Variants in TCFL5 observed in about 807,000 individuals in gnomAD.
The protein encoded by TCFL5 is transcription factor like 5.
Under a neutral mutation model 44.3 loss-of-function variants are expected in TCFL5, and 9 were observed. The ratio of observed to expected loss-of-function variants is 0.20; its 90% CI spans 0.12 to 0.35. The LOEUF is 0.35. Among genes scored for constraint, TCFL5 ranks in the 10% least tolerant of loss-of-function variants. The pLI is 1.00. For missense variants in TCFL5, 603 were observed against 613.4 expected, an observed-to-expected ratio of 0.98 and a Z score of 0.18; for synonymous variants, 319 against 271.6, an observed-to-expected ratio of 1.17 and a Z score of -1.72.
chr20:62,857,862 C>G (rs1251221040), intron 3 of TCFL5, among the ~76,000 whole-genome samples: 2 of 152,110 alleles, frequency 1.3e-5, no homozygotes, highest in African/African-American at 4.8e-5. Flanking sequence ...TCAATCATCA[C>G]ACTAAATACG....
chr20:62,857,039 G>A (rs571111835), intron 4 of TCFL5, among the ~76,000 whole-genome samples: 2 of 152,316 alleles, frequency 1.3e-5, no homozygotes, highest in East Asian at 3.9e-4. Context: ...CAGACCACAT[G>A]GCTGGGGGCA....
intron 5 of TCFL5, among the ~76,000 whole-genome samples, chr20:62,843,556 A>T (rs896311018): frequency 6.6e-6 from 1 of 152,214 alleles, no homozygotes; most frequent in African/African-American, 2.4e-5. Flanking sequence ...TTTAAAACAT[A>T]GCATTCTACA....
intron 5 of TCFL5, among the ~76,000 whole-genome samples, chr20:62,848,631 G>A (rs1238029263): frequency 6.6e-6 from 1 of 151,514 alleles, no homozygotes; most frequent in South Asian, 2.1e-4. Flanking sequence ...CCAGCTACTC[G>A]GGAGGCTGAG....
chr20:62,861,312 C>T lies in TCFL5; in HGVS notation c.359G>A (p.Cys120Tyr), dbSNP rs950280299. The T allele has an allele frequency of 5.2e-6, 6 of 1,161,412 alleles. No homozygotes were observed. The East Asian group carries it at 3.2e-4, about 62-fold the overall frequency. 71.9% of individuals were successfully genotyped at this position (1,161,412 alleles called of 1,614,324 possible). ...CTCCTGGAAGTCGATGTGGCCCAGG[C>T]AGGGCGCGTCGGCCGCCAGCGCGGA... ...CPSALAADAP[C>Y]LGHIDFQELR... The change falls in exon 1 of 6, where the codon TGC (cysteine) becomes TAC (tyrosine). Residue 120 changes from cysteine (C) to tyrosine (Y), a missense_variant. Transcript: ENST00000335351. This position sits in a 1 kb window ranked among gnomAD's most constrained non-coding sequence, Gnocchi z 4.0.
chr20:62,859,337 C>A, intron 3 of TCFL5, 27 bp downstream of exon 3: 1 of 1,595,774 alleles, frequency 6.3e-7, no homozygotes, highest in Non-Finnish European at 8.6e-7. Flanking sequence ...GAAGAAAGCT[C>A]CCACTACCTG....
At position 62,861,443 on chromosome 20, in the gene TCFL5, G is replaced by A. The variant is rs754609052; in HGVS notation, c.228C>T (p.Arg76=). 3 of 1,169,622 alleles carry A rather than the reference G, an allele frequency of 2.6e-6. No individual in the cohort carries two copies. The East Asian group carries it at 1.4e-4, about 56-fold the overall frequency. 72.5% of individuals were successfully genotyped at this position (1,169,622 alleles called of 1,614,324 possible). ...EAAADGELET[R]LNSALLAAAG... is the part of the protein sequence containing the mutation. Reference sequence around the variant, plus strand: ...CCGCCGCCAGCAGCGCCGAGTTGAGGCGCGTCTCGAGCTCGCCGTCAGCCG... The same window carrying A: ...CCGCCGCCAGCAGCGCCGAGTTGAGACGCGTCTCGAGCTCGCCGTCAGCCG... Residue 76 remains arginine (R), a synonymous_variant, in exon 1 of 6, where the codon CGC becomes CGT. Coordinates refer to ENST00000335351, the MANE Select transcript of TCFL5 (RefSeq NM_006602.4). This position sits in a 1 kb window ranked among gnomAD's most constrained non-coding sequence, Gnocchi z 4.0.
Position 62,861,307 on chromosome 20 carries a change from C to A in TCFL5, c.364G>T (p.Gly122Cys). ...SALAADAPCL[G>C]HIDFQELRMM... ...CGCAGCTCCTGGAAGTCGATGTGGC[C>A]CAGGCAGGGCGCGTCGGCCGCCAGC... Residue 122 changes from glycine to cysteine, a missense_variant, in exon 1 of 6, where the codon GGC becomes TGC. Gly to Cys is a radical substitution (Grantham distance 159). Around this residue, in one of 4 missense-constraint regions of TCFL5, gnomAD observed 540 missense variants for 478.7 expected, o/e 1.13. Transcript: ENST00000335351. The surrounding 1 kb of genome is among the most constrained non-coding windows in gnomAD (Gnocchi z 4.0). 8.5e-7 allele frequency: 1 copy of A among 1,172,992 alleles called. No individual in the cohort carries two copies. The highest frequency in any genetic ancestry group is 1.1e-6 in the Non-Finnish European group (1 of 935,854). The allele number at this position is 1,172,992 out of a possible 1,614,324, so 72.7% of individuals were successfully genotyped here. A position where few individuals can be genotyped will look rare whatever the true frequency, so the allele number is the denominator to read the frequency against.
At chr20:62,856,801 A>G (rs2063899533) in intron 4 of TCFL5, among the ~76,000 whole-genome samples, 1 of 151,666 alleles carries the variant, frequency 6.6e-6, no homozygotes, top group Non-Finnish European at 1.5e-5. Flanking sequence ...CACTCTCCTC[A>G]GAAAGGCCTG....
At position 62,845,694 on chromosome 20, in the gene TCFL5, G is replaced by T. The variant is rs570042520; in HGVS notation, c.1381-3597C>A. 58 of 1,606,706 alleles carry T rather than the reference G, an allele frequency of 3.6e-5. No homozygotes were observed. In the African/African-American group the frequency reaches 7.3e-4, roughly 20 times the overall value. ...AGTATTTCATGACGAGGTGGAAATC[G>T]AGGACTTCCAATATGACGAGGACTC... On this transcript the variant is annotated intron_variant, in intron 5 of 5. Transcript: ENST00000335351.
At chr20:62,845,705 A>G in intron 5 of TCFL5, 2 of 1,606,810 alleles carry the variant, frequency 1.2e-6, no homozygotes, top group South Asian at 1.1e-5. Context: ...AGGACTTCCA[A>G]TATGACGAGG....
chr20:62,853,122 A>G (rs1254103473), intron 5 of TCFL5, among the ~76,000 whole-genome samples: 1 of 148,724 alleles, frequency 6.7e-6, no homozygotes, highest in East Asian at 2.0e-4. Flanking sequence ...CCCGGTCCAC[A>G]GAAGTACAGT....
Position 62,857,594 on chromosome 20 carries a change from T to C in TCFL5, c.1039A>G (p.Met347Val). Residue 347 changes from methionine (M) to valine (V), a missense_variant, in exon 4 of 6, where the codon ATG becomes GTG. Met to Val is a conservative substitution (Grantham distance 21, BLOSUM62 1). Coordinates refer to ENST00000335351, the MANE Select transcript of TCFL5 (RefSeq NM_006602.4). ...KQALKRNRSRMRQLDTNVERR... is the reference protein window; with the variant it reads ...KQALKRNRSRVRQLDTNVERR... ...TCTACATTTGTGTCCAACTGACGCA[T>C]TCTACTCCGATTCCTCTTCAGTGCT... 1 of 1,614,242 alleles carries C rather than the reference T, an allele frequency of 6.2e-7. No individual in the cohort carries two copies. The highest frequency in any genetic ancestry group is 8.5e-7 in the Non-Finnish European group (1 of 1,180,036).
Position 62,857,545 on chromosome 20 carries a change from T to C in TCFL5, c.1088A>G (p.Gln363Arg). The change falls in exon 4 of 6, where the codon CAG becomes CGG. Residue 363 changes from glutamine to arginine, a missense_variant. Physicochemically the swap from Gln to Arg is conservative, Grantham distance 43. This residue lies in a region of TCFL5 where 540 missense variants were observed against 478.7 expected (regional missense o/e 1.13). Coordinates refer to ENST00000335351, the MANE Select transcript of TCFL5 (RefSeq NM_006602.4). Reference sequence around the variant, plus strand: ...GGCGGTGGCACCTTCGCCCACATTCTGAATCTCTCCAAGGGCTCTTCGCTC... The same window carrying C: ...GGCGGTGGCACCTTCGCCCACATTCCGAATCTCTCCAAGGGCTCTTCGCTC... Reference protein sequence around the residue: ...NVERRALGEIQNVGEGATATQ... With the variant: ...NVERRALGEIRNVGEGATATQ... 6.2e-7 allele frequency: 1 copy of C among 1,614,256 alleles called. No homozygotes were observed. Among genetic ancestry groups the C allele is most frequent in the Non-Finnish European group, 8.5e-7 (1 of 1,180,046 alleles).
At position 62,842,465 on chromosome 20, in the gene TCFL5, T is replaced by C. The variant is rs1011085913; in HGVS notation, c.1381-368A>G. Among the ~76,000 whole-genome samples, 4 of 152,204 alleles carry C rather than the reference T, an allele frequency of 2.6e-5. No homozygotes were observed. Among genetic ancestry groups the C allele is most frequent in the Non-Finnish European group, 5.9e-5 (4 of 68,034 alleles). On this transcript the variant is annotated intron_variant, in intron 5 of 5. Coordinates refer to ENST00000335351, the MANE Select transcript of TCFL5 (RefSeq NM_006602.4). The surrounding 1 kb of genome is among the most constrained non-coding windows in gnomAD (Gnocchi z 4.3). ...CGTGTGAGAGAAGGTAGAGTGTATA[T>C]ATTAAAACGTTTCAGGCCGGGCGTG...
chr20:62,842,211 G>A lies in TCFL5; in HGVS notation c.1381-114C>T. On this transcript the variant is annotated intron_variant, in intron 5 of 5. Transcript: ENST00000335351. This position sits in a 1 kb window ranked among gnomAD's most constrained non-coding sequence, Gnocchi z 4.3. Reference sequence around the variant, plus strand: ...TAAGTAAATGACTTTAGAATACGCTGTTTTAAGGTGTCATTCACAAACTTG... The same window carrying A: ...TAAGTAAATGACTTTAGAATACGCTATTTTAAGGTGTCATTCACAAACTTG... 3 of 1,307,594 alleles carry A rather than the reference G, an allele frequency of 2.3e-6. No individual in the cohort carries two copies. In the East Asian group the frequency reaches 7.3e-5, roughly 32 times the overall value. 81.0% of individuals were successfully genotyped at this position (1,307,594 alleles called of 1,614,324 possible).
At chr20:62,848,630 C>G (rs372711611) in intron 5 of TCFL5, among the ~76,000 whole-genome samples, 1 of 151,424 alleles carries the variant, frequency 6.6e-6, no homozygotes, top group Non-Finnish European at 1.5e-5. Context: ...CCCAGCTACT[C>G]GGGAGGCTGA....
chr20:62,852,851 G>C (rs2147267596), intron 5 of TCFL5: 7 of 1,289,408 alleles, frequency 5.4e-6, no homozygotes, highest in Non-Finnish European at 7.1e-6. Context: ...GTCCACAAAA[G>C]TATGTTCACC....
In TCFL5 at chr20:62,842,504, A is replaced by G. The variant is rs1045020070; in HGVS notation, c.1381-407T>C. ...AGGCCGGGCGTGGCGGCTCACGCCT[A>G]TAATCCCAGCACTTTGGGAGGCCGA... On this transcript the variant is annotated intron_variant, in intron 5 of 5. Transcript: ENST00000335351. This position sits in a 1 kb window ranked among gnomAD's most constrained non-coding sequence, Gnocchi z 4.3. 1.4e-4 allele frequency among the ~76,000 whole-genome samples: 22 copies of G among 152,332 alleles called. No homozygotes were observed. The highest frequency in any genetic ancestry group is 4.8e-4 in the African/African-American group (20 of 41,580).
At chr20:62,847,146 A>T (rs1456660830) in intron 5 of TCFL5, among the ~76,000 whole-genome samples, 1 of 151,530 alleles carries the variant, frequency 6.6e-6, no homozygotes, top group Admixed American at 6.6e-5. Flanking sequence ...TCGCGCCATT[A>T]CACGGCAGCC....
Sources: gnomAD v4.1 joint callset for allele counts (sites outside exome capture counted in the v4.1 genomes callset) on GRCh38, gnomAD v4.1.1 for gene constraint, gnomAD v4.1.1 regional missense constraint, Gnocchi (gnomAD v3.1) non-coding constraint, MANE v1.5 for transcripts, NCBI Gene and HGNC (gene_info 2026-07-23, HGNC 2026-07-21) for gene names.